SLC9B1: variants seen among roughly 807,000 people sequenced by gnomAD.
SLC9B1 encodes sodium/hydrogen exchanger 9B1.
SLC9B1 carries 32 observed loss-of-function variants against 51.7 expected under a neutral mutation model. The ratio of observed to expected loss-of-function variants is 0.62; its 90% CI spans 0.47 to 0.83. The LOEUF (loss-of-function observed/expected upper bound fraction) is 0.83, where lower values mean the gene tolerates loss of function less well. Ranked by LOEUF, SLC9B1 falls within the 40% of genes least tolerant of loss-of-function variation. SLC9B1 has a pLI of 0.00. For missense variants in SLC9B1, 406 were observed against 613.2 expected (o/e 0.66, Z 3.57); for synonymous variants, 145 against 212.7 (o/e 0.68, Z 2.77).
chr4:102,976,615 GA>G (rs35395308), intron 3 of SLC9B1, among the ~76,000 whole-genome samples: 1 of 152,020 alleles, frequency 6.6e-6, no homozygotes, highest in African/African-American at 2.4e-5. Context: ...GGAAAATCTG[GA>G]AAAAAATCAT....
chr4:102,927,944 A>T (rs1053384491), intron 7 of SLC9B1, among the ~76,000 whole-genome samples: 6 of 152,184 alleles, frequency 3.9e-5, no homozygotes, highest in Non-Finnish European at 8.8e-5. Flanking sequence ...ATGAAGCTGG[A>T]AACCATCACT....
chr4:102,992,232 T>G (rs1739977930), intron 1 of SLC9B1, among the ~76,000 whole-genome samples: 1 of 152,188 alleles, frequency 6.6e-6, no homozygotes, highest in Admixed American at 6.5e-5. Context: ...AGTTTTATTT[T>G]GAAGAAGAAT....
intron 6 of SLC9B1, among the ~76,000 whole-genome samples, chr4:102,940,425 C>G (rs1560940456): frequency 6.6e-6 from 1 of 152,116 alleles, no homozygotes; most frequent in Non-Finnish European, 1.5e-5. Context: ...AATGGCCATA[C>G]TGCCTAAGGC....
At chr4:102,949,187 T>C in intron 4 of SLC9B1, 70 bp downstream of exon 4, 1 of 1,232,896 alleles carries the variant, frequency 8.1e-7, no homozygotes, top group Non-Finnish European at 1.1e-6. Flanking sequence ...TTATAACTAA[T>C]TCAACAAGAA....
intron 7 of SLC9B1, among the ~76,000 whole-genome samples, chr4:102,913,474 A>G (rs1735435908): frequency 6.6e-6 from 1 of 152,204 alleles, no homozygotes; most frequent in South Asian, 2.1e-4. Flanking sequence ...ATTCAGGTAA[A>G]GGTCTTCCGT....
intron 1 of SLC9B1, among the ~76,000 whole-genome samples, chr4:103,002,461 A>C (rs1415416512): frequency 1.3e-5 from 2 of 152,240 alleles, no homozygotes; most frequent in Non-Finnish European, 2.9e-5. Flanking sequence ...TAATAACTTA[A>C]ATCTATAAAA....
chr4:102,972,991 T>C (rs552191032), intron 3 of SLC9B1, among the ~76,000 whole-genome samples: 1 of 152,124 alleles, frequency 6.6e-6, no homozygotes, highest in African/African-American at 2.4e-5. Context: ...CATACAACTT[T>C]TAAACAAATA....
rs533632723 is a variant in SLC9B1, at chr4:102,948,366, A to G, written c.382+891T>C. On this transcript the variant is annotated intron_variant, in intron 4 of 11. Coordinates refer to ENST00000296422, the MANE Select transcript of SLC9B1 (RefSeq NM_139173.4). ...CACACACACACACACACACACACAC[A>G]CTACTGGTCAATATCCCTGATGAAC... Among the ~76,000 whole-genome samples, 281 of 150,480 alleles carry G rather than the reference A, an allele frequency of 1.9e-3. 2 individuals carry two copies. Among genetic ancestry groups the G allele is most frequent in the African/African-American group, 6.2e-3 (251 of 40,594 alleles).
In SLC9B1 at chr4:102,904,677, C is replaced by T. The variant is rs1220348434; in HGVS notation, c.1332+837G>A. ...TGGGCAACATAGCAAGACCTCTTCTCTACAAAAAAATCAGAAAAAAAAGAC... is the reference window on the plus strand; with the variant it reads ...TGGGCAACATAGCAAGACCTCTTCTTTACAAAAAAATCAGAAAAAAAAGAC... On this transcript the variant is annotated intron_variant, in intron 11 of 11. Transcript: ENST00000296422. Among the ~76,000 whole-genome samples the T allele has an allele frequency of 2.0e-5, 3 of 151,810 alleles. No individual in the cohort carries two copies. The East Asian group carries it at 5.8e-4, about 29-fold the overall frequency.
intron 3 of SLC9B1, among the ~76,000 whole-genome samples, chr4:102,950,946 G>A (rs1380184261): frequency 6.6e-6 from 1 of 152,156 alleles, no homozygotes; most frequent in African/African-American, 2.4e-5. Context: ...AGTGAGCTGG[G>A]ATGGCGCCAC....
At chr4:102,926,227 G>A (rs1032503456) in intron 7 of SLC9B1, among the ~76,000 whole-genome samples, 2 of 152,246 alleles carry the variant, frequency 1.3e-5, no homozygotes, top group Non-Finnish European at 2.9e-5. Flanking sequence ...ATTCAACATG[G>A]TGTTGGAAGT....
At chr4:102,958,670 C>A (rs1737928675) in intron 3 of SLC9B1, among the ~76,000 whole-genome samples, 1 of 152,108 alleles carries the variant, frequency 6.6e-6, no homozygotes, top group Admixed American at 6.6e-5. Context: ...TACCTGTAAT[C>A]CCAGCACTTT....
chr4:102,938,843 C>T (rs1736848162), intron 6 of SLC9B1, among the ~76,000 whole-genome samples: 1 of 152,024 alleles, frequency 6.6e-6, no homozygotes, highest in African/African-American at 2.4e-5. Context: ...AACAAAGATA[C>T]AACATTCTCG....
At chr4:102,985,397 T>G (rs2110513736) in intron 3 of SLC9B1, among the ~76,000 whole-genome samples, 1 of 152,336 alleles carries the variant, frequency 6.6e-6, no homozygotes, top group Non-Finnish European at 1.5e-5. Context: ...ATTCTTTTCC[T>G]GCCTTTTGTG....
chr4:102,959,722 G>T (rs1305559011), intron 3 of SLC9B1, among the ~76,000 whole-genome samples: 1 of 152,144 alleles, frequency 6.6e-6, no homozygotes, highest in African/African-American at 2.4e-5. Context: ...TTGGTCAGGG[G>T]CCCGCTTGGC....
At chr4:102,934,838 T>A (rs1736639937) in intron 6 of SLC9B1, among the ~76,000 whole-genome samples, 2 of 151,450 alleles carry the variant, frequency 1.3e-5, no homozygotes, top group African/African-American at 4.9e-5. Flanking sequence ...GAATGATACA[T>A]ACAAAGGCAT....
chr4:102,923,707 CAA>C (rs1385788934), intron 7 of SLC9B1, among the ~76,000 whole-genome samples: 1 of 151,980 alleles, frequency 6.6e-6, no homozygotes, highest in Non-Finnish European at 1.5e-5. Flanking sequence ...GCAACTTCAG[CAA>C]AGTCTCAGGA....
Position 102,985,204 on chromosome 4 carries a change from G to T in SLC9B1, c.211+4596C>A, listed in dbSNP as rs1347986821. Among the ~76,000 whole-genome samples, 5 of 152,018 alleles carry T rather than the reference G, an allele frequency of 3.3e-5. No individual in the cohort carries two copies. The East Asian group carries it at 9.6e-4, about 29-fold the overall frequency. On this transcript the variant is annotated intron_variant, in intron 3 of 11. Coordinates refer to ENST00000296422, the MANE Select transcript of SLC9B1 (RefSeq NM_139173.4). The stretch of plus-strand genomic sequence containing the variant: ...CTCCATCTCTTTCCTTAATCAATAT[G>T]TATCTTGTAAAAAACACATAGTTCG...
downstream of SLC9B1, among the ~76,000 whole-genome samples, chr4:102,900,046 C>T (rs571569150): frequency 6.6e-6 from 1 of 152,252 alleles, no homozygotes; most frequent in Admixed American, 6.5e-5. Context: ...ATTTTAATTG[C>T]TTCACTTGGC....
Sources: allele counts gnomAD v4.1 joint callset (sites outside exome capture counted in the v4.1 genomes callset), GRCh38; gene constraint gnomAD v4.1.1; transcripts MANE v1.5; gene names NCBI Gene and HGNC (gene_info 2026-07-23, HGNC 2026-07-21).